Variants in ROS1 observed in about 807,000 individuals in gnomAD.
ROS1 encodes the protein ROS proto-oncogene 1, receptor tyrosine kinase.
In ROS1, 263 loss-of-function variants were observed where a neutral mutation model predicts 273.5. The ratio of observed to expected loss-of-function variants is 0.96; its 90% CI spans 0.87 to 1.06. The LOEUF (loss-of-function observed/expected upper bound fraction) is 1.06, where lower values mean the gene tolerates loss of function less well. Ranked by LOEUF, ROS1 falls within the 50% of genes least tolerant of loss-of-function variation. ROS1 has a pLI of 0.00. For missense variants in ROS1, 2,833 were observed against 2,751.1 expected (o/e 1.03, Z -0.67); for synonymous variants, 1,008 against 954.1 (o/e 1.06, Z -1.04).
intron 43 of ROS1, among the ~76,000 whole-genome samples, chr6:117,292,536 C>T (rs573591646): frequency 5.3e-5 from 8 of 152,314 alleles, no homozygotes; most frequent in African/African-American, 1.9e-4. Context: ...ACCGGCTGCT[C>T]TCTGGGTTCC....
At chr6:117,390,282 G>A (rs1009651487) in intron 12 of ROS1, among the ~76,000 whole-genome samples, 1 of 151,962 alleles carries the variant, frequency 6.6e-6, no homozygotes, top group Admixed American at 6.6e-5. Flanking sequence ...GCTTGCCACC[G>A]TGCTCGGCTA....
At chr6:117,344,937 G>A (rs899851658) in intron 27 of ROS1, among the ~76,000 whole-genome samples, 3 of 152,176 alleles carry the variant, frequency 2.0e-5, no homozygotes, top group Non-Finnish European at 4.4e-5. Context: ...AAAAATCGCA[G>A]ATCTGTCACT....
chr6:117,336,578 G>A (rs774976375), intron 32 of ROS1, among the ~76,000 whole-genome samples: 3 of 152,144 alleles, frequency 2.0e-5, no homozygotes, highest in South Asian at 2.1e-4. Context: ...TAATGTTGAC[G>A]GGCATTTGGG....
Position 117,317,217 on chromosome 6 carries a change from G to T in ROS1, c.6043C>A (p.Pro2015Thr), listed in dbSNP as rs762511151. The T allele has an allele frequency of 6.2e-7, 1 of 1,613,164 alleles. No homozygotes were observed. Among genetic ancestry groups the T allele is most frequent in the Non-Finnish European group, 8.5e-7 (1 of 1,179,580 alleles). The change falls in exon 39 of 44, where the codon CCC (proline) becomes ACC (threonine). Residue 2015 changes from proline (P) to threonine (T), a missense_variant. Transcript: ENST00000368507. ...ATCAGTTCCAGGATAATGTATTGGG[G>T]TTCATTCAGCAGACAAACTCCAAGC... is the stretch of plus-strand genomic sequence containing the variant. ...KQLGVCLLNE[P>T]QYIILELMEG...
At chr6:117,336,683 T>G (rs1777504988) in intron 32 of ROS1, among the ~76,000 whole-genome samples, 1 of 152,152 alleles carries the variant, frequency 6.6e-6, no homozygotes, top group South Asian at 2.1e-4. Flanking sequence ...CCTTTGGGTA[T>G]GTAACTAGTA....
rs1775508513 is a variant in ROS1, at chr6:117,418,502, T to C, written c.128A>G (p.Gln43Arg). 3 of 1,601,308 alleles carry C rather than the reference T, an allele frequency of 1.9e-6. No homozygotes were observed. The highest frequency in any genetic ancestry group is 2.6e-6 in the Non-Finnish European group (3 of 1,175,454). The change falls in exon 2 of 44, where the codon CAG becomes CGG. Residue 43 changes from glutamine to arginine, a missense_variant. Physicochemically the swap from Gln to Arg is conservative, Grantham distance 43. Coordinates refer to ENST00000368507, the MANE Select transcript of ROS1 (RefSeq NM_001378902.1). ...CLKSCVTNLGQQLDLGTPHNL... is the reference protein window; with the variant it reads ...CLKSCVTNLGRQLDLGTPHNL... ...ATGTGGTGTGCCAAGGTCAAGCTGCTGGCCCTGAAATGAAGAAGGAGGTAG... is the reference window on the plus strand; with the variant it reads ...ATGTGGTGTGCCAAGGTCAAGCTGCCGGCCCTGAAATGAAGAAGGAGGTAG...
chr6:117,311,517 A>T (rs2128550566), intron 39 of ROS1, among the ~76,000 whole-genome samples: 1 of 152,280 alleles, frequency 6.6e-6, no homozygotes, highest in African/African-American at 2.4e-5. Context: ...GCAAAATTCA[A>T]GTAAGTTACA....
chr6:117,349,984 A>G (rs530766576), intron 27 of ROS1, among the ~76,000 whole-genome samples: 3 of 152,128 alleles, frequency 2.0e-5, no homozygotes, highest in South Asian at 2.1e-4. Context: ...ATAATTGAAT[A>G]TGTTATTGCT....
chr6:117,296,298 T>C (rs1352430838), intron 43 of ROS1, among the ~76,000 whole-genome samples: 1 of 151,788 alleles, frequency 6.6e-6, no homozygotes, highest in Non-Finnish European at 1.5e-5. Context: ...CTACTCGGAA[T>C]GCCGAGGCAT....
chr6:117,373,598 C>T (rs1453892484), intron 18 of ROS1, among the ~76,000 whole-genome samples: 1 of 152,250 alleles, frequency 6.6e-6, no homozygotes, highest in African/African-American at 2.4e-5. Flanking sequence ...CCGCCAAGCC[C>T]GCACCCACCC....
intron 16 of ROS1, 108 bp downstream of exon 16, chr6:117,385,568 AATAATAG>A (rs1772499562): frequency 1.4e-5 from 12 of 882,442 alleles, no homozygotes; most frequent in Non-Finnish European, 1.9e-5. Flanking sequence ...ACATTAAATA[AATAATAG>A]CATAAGTGGT....
chr6:117,372,198 G>A (rs192542376), intron 18 of ROS1, among the ~76,000 whole-genome samples: 98 of 152,266 alleles, frequency 6.4e-4, no homozygotes, highest in Admixed American at 4.5e-3. Context: ...AGACAAGGAT[G>A]CCCAGTCACA....
At chr6:117,304,717 T>C (rs1320294418) in intron 42 of ROS1, among the ~76,000 whole-genome samples, 2 of 152,112 alleles carry the variant, frequency 1.3e-5, no homozygotes, top group African/African-American at 4.8e-5. Context: ...ATAGTGTATA[T>C]AAGGTTGGGT....
chr6:117,411,477 C>T (rs1008170379), intron 4 of ROS1, among the ~76,000 whole-genome samples: 1 of 152,124 alleles, frequency 6.6e-6, no homozygotes, highest in Non-Finnish European at 1.5e-5. Flanking sequence ...TTCCACGTTA[C>T]TGAGCTGCCA....
At chr6:117,322,301 T>C (rs1037051687) in intron 35 of ROS1, among the ~76,000 whole-genome samples, 1 of 152,142 alleles carries the variant, frequency 6.6e-6, no homozygotes, top group Non-Finnish European at 1.5e-5. Context: ...AAAGGCCCAA[T>C]GTAAGCCCAC....
chr6:117,346,321 C>A (rs1289962525), intron 27 of ROS1, among the ~76,000 whole-genome samples: 1 of 151,472 alleles, frequency 6.6e-6, no homozygotes, highest in Admixed American at 6.6e-5. Context: ...ACCAAGATAA[C>A]TTGTAATTGC....
chr6:117,422,561 ATAT>A (rs1241575974), intron 1 of ROS1, among the ~76,000 whole-genome samples: 3 of 152,000 alleles, frequency 2.0e-5, no homozygotes, highest in South Asian at 4.2e-4. Flanking sequence ...TGATCTTATT[ATAT>A]TATTTTGTTT....
chr6:117,353,985 G>A (rs1779086602), intron 26 of ROS1, among the ~76,000 whole-genome samples: 1 of 152,138 alleles, frequency 6.6e-6, no homozygotes, highest in Non-Finnish European at 1.5e-5. Flanking sequence ...ATCACGGGAG[G>A]GCGACTAGGA....
At chr6:117,311,877 C>A (rs2128550904) in intron 39 of ROS1, among the ~76,000 whole-genome samples, 1 of 152,142 alleles carries the variant, frequency 6.6e-6, no homozygotes, top group Admixed American at 6.6e-5. Flanking sequence ...ATTGTCTGTC[C>A]CTTTCCATTG....
Sources: allele counts gnomAD v4.1 joint callset (sites outside exome capture counted in the v4.1 genomes callset), GRCh38; gene constraint gnomAD v4.1.1; transcripts MANE v1.5; gene names NCBI Gene and HGNC (gene_info 2026-07-23, HGNC 2026-07-21).